The following PASK variants were observed in gnomAD, a reference collection of about 807,000 sequenced individuals.
PASK encodes the protein PAS domain-containing serine/threonine-protein kinase.
In PASK, 110 loss-of-function variants were observed where a neutral mutation model predicts 121.0. That is an observed-to-expected ratio of 0.91 (90% CI 0.78 to 1.06). PASK has a LOEUF of 1.06. Among genes scored for constraint, PASK ranks in the 50% least tolerant of loss-of-function variants. The probability of loss-of-function intolerance (pLI) is 0.00; values close to 1 mark genes in which losing one functional copy is unlikely to be tolerated. For missense variants in PASK, 1,643 were observed against 1,702.3 expected (o/e 0.97, Z 0.61); for synonymous variants, 686 against 717.8 (o/e 0.96, Z 0.71).
chr2:241,120,911 AAAC>A (rs2065579497), intron 12 of PASK, among the ~76,000 whole-genome samples: 1 of 152,384 alleles, frequency 6.6e-6, no homozygotes, highest in East Asian at 1.9e-4. Context: ...CAAAAAATGG[AAAC>A]AACACAAATG....
In PASK at chr2:241,132,894, G is replaced by C. The variant is rs1404938994; in HGVS notation, c.1443C>G (p.Leu481=). 1.9e-6 allele frequency: 3 copies of C among 1,614,120 alleles called. No homozygotes were observed. The highest frequency in any genetic ancestry group is 3.3e-4 in the Middle Eastern group (2 of 6,062). ...LIAGGQLLSC[L]SPQPAPGVDN... ...CTTACCCTGGAGCAGGCTGAGGTGA[G>C]AGGCAGGAAAGGAGCTGGCCTCCAG... Residue 481 remains leucine (L), a synonymous_variant, in exon 9 of 18, where the codon CTC becomes CTG. Transcript: ENST00000234040.
chr2:241,118,858 T>C lies in PASK; in HGVS notation c.3073-3445A>G, dbSNP rs907336674. ...CACACCCCGCACCCGGTGGAGGCCA[T>C]GATGGGGCACTTCCCGCAGCTCCTG... On this transcript the variant is annotated intron_variant, in intron 12 of 17. Coordinates refer to ENST00000234040, the MANE Select transcript of PASK (RefSeq NM_015148.4). 5 of 898,892 alleles carry C rather than the reference T, an allele frequency of 5.6e-6. No individual in the cohort carries two copies. In the African/African-American group the frequency reaches 7.1e-5, roughly 13 times the overall value. The allele number at this position is 898,892 out of a possible 1,614,324, so 55.7% of individuals were successfully genotyped here.
rs1238732421 is a variant in PASK, at chr2:241,126,827, G to C, written c.2088C>G (p.Ser696=). The change falls in exon 10 of 18, where the codon TCC becomes TCG. Residue 696 remains serine, a synonymous_variant. Transcript: ENST00000234040. ...ACAGGTCTCTGCCTCCCAGATCGCA[G>C]GACGACACAGGAGCGGTGACAGCCT... ...ECQAVTAPVS[S]CDLGGRDLCG... is the part of the protein sequence containing the mutation. 3 of 1,613,514 alleles carry C rather than the reference G, an allele frequency of 1.9e-6. No individual in the cohort carries two copies. The highest frequency in any genetic ancestry group is 2.5e-6 in the Non-Finnish European group (3 of 1,179,560).
intron 2 of PASK, among the ~76,000 whole-genome samples, chr2:241,142,127 C>T (rs945917481): frequency 4.7e-5 from 7 of 149,552 alleles, no homozygotes; most frequent in Admixed American, 1.3e-4. Flanking sequence ...CTCCGCTCTA[C>T]ACCCTCAGAC....
chr2:241,127,693 T>C (rs2065938389), intron 9 of PASK: 2 of 532,958 alleles, frequency 3.8e-6, no homozygotes, highest in East Asian at 3.5e-5. Context: ...AACAGTAAAG[T>C]ACAGGAGAAC....
At chr2:241,116,757 G>A (rs2041082) in intron 12 of PASK, among the ~76,000 whole-genome samples, 13,031 of 152,234 alleles carry the variant, frequency 0.086, 1,729 homozygotes, top group African/African-American at 0.28. Flanking sequence ...CCAACACAAC[G>A]CCTGCTGCTA....
rs1256127223 is a variant in PASK, at chr2:241,112,279, G to T, written c.3494C>A (p.Thr1165Asn). 6.2e-7 allele frequency: 1 copy of T among 1,613,770 alleles called. No individual in the cohort carries two copies. Among genetic ancestry groups the T allele is most frequent in the Non-Finnish European group, 8.5e-7 (1 of 1,179,800 alleles). ...RGKLFYTFCG[T>N]IEYCAPEVLM... ...AACTTCCGGTGCACAGTACTCGATG[G>T]TCCCACAAAAAGTATAAAATAATTT... Residue 1165 changes from threonine to asparagine, a missense_variant, in exon 15 of 18, where the codon ACC becomes AAC. Thr to Asn is a moderately conservative substitution (Grantham distance 65). Around this residue, in one of 3 missense-constraint regions of PASK, gnomAD observed 453 missense variants for 511.2 expected, o/e 0.89. Coordinates refer to ENST00000234040, the MANE Select transcript of PASK (RefSeq NM_015148.4). The surrounding 1 kb of genome is among the most constrained non-coding windows in gnomAD (Gnocchi z 5.2).
At position 241,132,527 on chromosome 2, in the gene PASK, T is replaced by TAAAAAAA. The variant is rs71049553; in HGVS notation, c.1463+340_1463+346dup. On this transcript the variant is annotated intron_variant, in intron 9 of 17. Transcript: ENST00000234040. Reference sequence around the variant, plus strand: ...CTGGGTGACACAGCGAGACTCTGTCTAAAAAAAAAAAAAAAAAAAAAAAAA... The same window carrying TAAAAAAA: ...CTGGGTGACACAGCGAGACTCTGTCTAAAAAAAAAAAAAAAAAAAAAAAAAAAAAAAA... Among the ~76,000 whole-genome samples the TAAAAAAA allele has an allele frequency of 7.7e-3, 303 of 39,448 alleles. 9 individuals are homozygous for TAAAAAAA. The highest frequency in any genetic ancestry group is 0.012 in the East Asian group (20 of 1,670). 25.9% of individuals were successfully genotyped at this position (39,448 alleles called of 152,430 possible).
upstream of PASK, chr2:241,149,853 C>G: frequency 6.8e-7 from 1 of 1,470,426 alleles, no homozygotes; most frequent in Non-Finnish European, 9.0e-7. Flanking sequence ...CAAGGGGAGC[C>G]CAGCTGGCGC....
rs1575217616 is a variant in PASK, at chr2:241,108,831, G to A, written c.3534-531C>T. On this transcript the variant is annotated intron_variant, in intron 15 of 17. Transcript: ENST00000234040. The surrounding 1 kb of genome is among the most constrained non-coding windows in gnomAD (Gnocchi z 5.2). ...GACTGAACAGGGAAAAACACCGAAG[G>A]ATGAAAGCAAACAAGAAGGACGTGG... 1.4e-5 allele frequency: 3 copies of A among 215,226 alleles called. No individual in the cohort carries two copies. The East Asian group carries it at 3.4e-4, about 25-fold the overall frequency. The allele number at this position is 215,226 out of a possible 1,614,324, so 13.3% of individuals were successfully genotyped here. A position where few individuals can be genotyped will look rare whatever the true frequency, so the allele number is the denominator to read the frequency against.
intron 2 of PASK, among the ~76,000 whole-genome samples, chr2:241,141,989 G>C (rs2066721725): frequency 6.6e-6 from 1 of 152,120 alleles, no homozygotes; most frequent in African/African-American, 2.4e-5. Flanking sequence ...CTCCAAAAAA[G>C]GAACACACCT....
chr2:241,120,798 C>T (rs1214212146), intron 12 of PASK, among the ~76,000 whole-genome samples: 2 of 152,204 alleles, frequency 1.3e-5, no homozygotes, highest in African/African-American at 4.8e-5. Context: ...AGAGTTACGA[C>T]ATGACCCATG....
intron 7 of PASK, 51 bp from the exon 8 acceptor site, chr2:241,136,090 C>T (rs2066412706): frequency 1.4e-6 from 2 of 1,477,730 alleles, no homozygotes; most frequent in Non-Finnish European, 1.9e-6. Flanking sequence ...CACGCTGACC[C>T]ACTGGACCGT....
chr2:241,127,765 G>C (rs891986308), intron 9 of PASK: 1 of 399,896 alleles, frequency 2.5e-6, no homozygotes, highest in Admixed American at 3.6e-5. Context: ...CCCGTCAGCC[G>C]TGCAGCCTAG....
chr2:241,122,952 G>A (rs989632099), intron 11 of PASK, 53 bp from the exon 12 acceptor site: 114 of 1,574,858 alleles, frequency 7.2e-5, no homozygotes, highest in Middle Eastern at 3.4e-4. Flanking sequence ...CCGGGCAGAG[G>A]TGCAGCACCC....
In PASK at chr2:241,126,751, G is replaced by A. The variant is rs575246734; in HGVS notation, c.2164C>T (p.Leu722Phe). The stretch of plus-strand genomic sequence containing the variant: ...TCCACTGCTTCCAGGCCCCCAGGGA[G>A]GTCCGTGGCCAAGGCATAGCAGGCT... ...SSACYALATD[L>F]PGGLEAVEAQ... The change falls in exon 10 of 18, where the codon CTC (leucine) becomes TTC (phenylalanine). Residue 722 changes from leucine to phenylalanine, a missense_variant. By Grantham distance (22) the Leu-to-Phe change is conservative. Coordinates refer to ENST00000234040, the MANE Select transcript of PASK (RefSeq NM_015148.4). The A allele has an allele frequency of 2.5e-6, 4 of 1,614,120 alleles. No individual in the cohort carries two copies. Among genetic ancestry groups the A allele is most frequent in the East Asian group, 2.2e-5 (1 of 44,876 alleles).
chr2:241,138,892 C>A (rs2066570611), intron 4 of PASK, 98 bp from the exon 5 acceptor site: 1 of 1,092,768 alleles, frequency 9.2e-7, no homozygotes, highest in Non-Finnish European at 1.4e-6. Flanking sequence ...CCAGGCACTG[C>A]AACGTTTTCA....
intron 1 of PASK, among the ~76,000 whole-genome samples, chr2:241,148,845 G>A (rs1229148868): frequency 6.6e-6 from 1 of 152,192 alleles, no homozygotes. Context: ...AGATGCGGAA[G>A]GTAAGGACGA....
At chr2:241,130,701 C>T (rs1432140250) in intron 9 of PASK, among the ~76,000 whole-genome samples, 1 of 152,144 alleles carries the variant, frequency 6.6e-6, no homozygotes, top group Non-Finnish European at 1.5e-5. Context: ...CCACTCAACG[C>T]GGACCCACAG....
Sources: allele counts gnomAD v4.1 joint callset (sites outside exome capture counted in the v4.1 genomes callset), GRCh38; gene constraint gnomAD v4.1.1; regional missense constraint gnomAD v4.1.1; non-coding constraint Gnocchi (gnomAD v3.1); transcripts MANE v1.5; gene names NCBI Gene and HGNC (gene_info 2026-07-23, HGNC 2026-07-21).